FXYD1: variants seen among roughly 807,000 people sequenced by gnomAD.
FXYD1 encodes phospholemman.
Under a neutral mutation model 17.2 loss-of-function variants are expected in FXYD1, and 9 were observed. The ratio of observed to expected loss-of-function variants is 0.52; its 90% CI spans 0.32 to 0.91. The LOEUF (loss-of-function observed/expected upper bound fraction) is 0.91. Ranked by LOEUF, FXYD1 falls within the 40% of genes least tolerant of loss-of-function variation. The pLI, the probability that FXYD1 is intolerant of heterozygous loss-of-function variation, is 0.04. For missense variants in FXYD1, 113 were observed against 120.6 expected (o/e 0.94, Z 0.29); for synonymous variants, 55 against 45.8 (o/e 1.20, Z -0.81).
At chr19:35,139,247 C>T (rs1311457788) in intron 1 of FXYD1, 2 of 151,732 alleles carry the variant, frequency 1.3e-5, no homozygotes, top group African/African-American at 4.9e-5. Context: ...TTGTTCATGT[C>T]CATTCCGGCC....
chr19:35,140,162 C>T (rs777763926), intron 2 of FXYD1, 22 bp downstream of exon 2: 89 of 1,309,258 alleles, frequency 6.8e-5, no homozygotes, highest in South Asian at 2.4e-5. Context: ...GGAGGCTGCC[C>T]GCTACCCACC....
intron 3 of FXYD1, 104 bp downstream of exon 3, chr19:35,140,733 C>A: frequency 1.1e-6 from 1 of 884,572 alleles, no homozygotes; most frequent in South Asian, 1.4e-5. Context: ...ATATCTCTGT[C>A]ATTCTCCTTC....
chr19:35,140,760 CCTCT>C (rs2065244236), intron 3 of FXYD1, 131 bp downstream of exon 3: 6 of 726,306 alleles, frequency 8.3e-6, no homozygotes, highest in Admixed American at 2.2e-5. Flanking sequence ...TTTTGTCCTT[CCTCT>C]CTGATTCCAC....
chr19:35,142,827 A>G, intron 7 of FXYD1, 56 bp downstream of exon 7: 1 of 1,379,826 alleles, frequency 7.2e-7, no homozygotes. Flanking sequence ...GAAAGGCGGG[A>G]GAGGGAGGGG....
rs767899917 is a variant in FXYD1 at position 35,140,099 on chromosome 19, T to A, written c.20T>A (p.Ile7Asn). Residue 7 changes from isoleucine to asparagine, a missense_variant, in exon 2 of 8, where the codon ATC becomes AAC. Ile to Asn is a moderately radical substitution (Grantham distance 149). Transcript: ENST00000351325. MASLGH[I>N]LVFCVGLLTM... ...AGGACAATGGCGTCTCTTGGCCACA[T>A]CTTGGTTTTCTGTGTGGGTCTCCTC... The A allele has an allele frequency of 1.9e-6, 3 of 1,611,700 alleles. No individual in the cohort carries two copies. The South Asian group carries it at 3.3e-5, about 18-fold the overall frequency.
At chr19:35,139,780 A>C in intron 1 of FXYD1, 2 of 358,492 alleles carry the variant, frequency 5.6e-6, no homozygotes, top group East Asian at 5.8e-5. Context: ...AGGTCTGGGA[A>C]TCGGGGGCCT....
intron 4 of FXYD1, 110 bp downstream of exon 4, chr19:35,141,316 CGCTT>C: frequency 3.1e-6 from 2 of 636,772 alleles, no homozygotes; most frequent in South Asian, 1.9e-5. Flanking sequence ...TCCCTGGCCC[CGCTT>C]CTCCCTGGTC....
At chr19:35,142,655 C>A in intron 6 of FXYD1, 65 bp from the exon 7 acceptor site, 1 of 1,573,644 alleles carries the variant, frequency 6.4e-7, no homozygotes, top group Non-Finnish European at 8.7e-7. Context: ...CCGCCGCGGG[C>A]CCCACCTGCC....
intron 5 of FXYD1, 110 bp downstream of exon 5, chr19:35,141,682 A>G (rs2065258298): frequency 1.2e-6 from 1 of 856,882 alleles, no homozygotes; most frequent in Non-Finnish European, 1.9e-6. Context: ...GCGACTATGT[A>G]TTAAGCACCT....
At chr19:35,141,399 C>T (rs947980238) in intron 4 of FXYD1, 137 bp from the exon 5 acceptor site, 2 of 664,930 alleles carry the variant, frequency 3.0e-6, no homozygotes, top group South Asian at 3.0e-5. Flanking sequence ...TGCCTTGGTT[C>T]CCCGGCCCCC....
chr19:35,142,738 G>A lies in FXYD1; in HGVS notation c.275G>A (p.Arg92Gln). The change falls in exon 7 of 8, where the codon CGG (arginine) becomes CAG (glutamine). Residue 92 changes from arginine (R) to glutamine (Q), a missense_variant. Coordinates refer to ENST00000351325, the MANE Select transcript of FXYD1 (RefSeq NM_021902.4). ...CCCCCAGGTCTGTCCACCCGCAGGC[G>A]GTAGAAACACCTGGAGCGATGGAAT... ...SSIRRLSTRR[R>Q] The A allele has an allele frequency of 6.2e-7, 1 of 1,613,590 alleles. No individual in the cohort carries two copies. Among genetic ancestry groups the A allele is most frequent in the Non-Finnish European group, 8.5e-7 (1 of 1,179,780 alleles).
intron 3 of FXYD1, 87 bp downstream of exon 3, chr19:35,140,716 A>G (rs1194970046): frequency 1.9e-6 from 2 of 1,053,490 alleles, no homozygotes; most frequent in Non-Finnish European, 2.9e-6. Context: ...CCAGAGTCCC[A>G]GTATTGATAT....
intron 4 of FXYD1, 95 bp from the exon 5 acceptor site, chr19:35,141,441 A>C: frequency 9.8e-7 from 1 of 1,021,084 alleles, no homozygotes; most frequent in Non-Finnish European, 1.5e-6. Context: ...CCGTCCCCCA[A>C]GCCCCGCCCC....
In FXYD1 at chr19:35,142,478, G is replaced by C. The variant is rs774406399; in HGVS notation, c.213G>C (p.Gly71=). The change falls in exon 6 of 8, where the codon GGG becomes GGC. Residue 71 remains glycine (G), a synonymous_variant. Coordinates refer to ENST00000351325, the MANE Select transcript of FXYD1 (RefSeq NM_021902.4). The part of the protein sequence containing the change: ...RCKFNQQQRT[G]EPDEEEGTFR... Reference sequence around the variant, plus strand: ...TCTGCCTCTGTCTTCCCAGGACTGGGGAACCCGATGAAGAGGAGGGAACTT... The same window carrying C: ...TCTGCCTCTGTCTTCCCAGGACTGGCGAACCCGATGAAGAGGAGGGAACTT... 3 of 1,612,450 alleles carry C rather than the reference G, an allele frequency of 1.9e-6. No individual in the cohort carries two copies. In the Admixed American group the frequency reaches 5.0e-5, roughly 27 times the overall value.
At chr19:35,140,506 C>A in intron 2 of FXYD1, 91 bp from the exon 3 acceptor site, 1 of 1,184,300 alleles carries the variant, frequency 8.4e-7, no homozygotes, top group Non-Finnish European at 1.3e-6. Context: ...GACTCTAAGC[C>A]CAGCAAGGCA....
chr19:35,142,768 C>A lies in FXYD1; in HGVS notation c.*26C>A, dbSNP rs1304034695. On this transcript the variant is annotated 3_prime_UTR_variant, in exon 7 of 8. Transcript: ENST00000351325. ...AAACACCTGGAGCGATGGAATCCGG[C>A]CAGGTGCTGCAGCTCTGACACGGCG... 4 of 1,609,802 alleles carry A rather than the reference C, an allele frequency of 2.5e-6. No individual in the cohort carries two copies. Among genetic ancestry groups the A allele is most frequent in the Non-Finnish European group, 2.5e-6 (3 of 1,176,696 alleles).
chr19:35,140,189 C>T (rs200476762), intron 2 of FXYD1, 49 bp downstream of exon 2: 104 of 1,092,674 alleles, frequency 9.5e-5, no homozygotes, highest in Middle Eastern at 2.2e-4. Flanking sequence ...CCAGGGGTGG[C>T]GGTGGGGACC....
At chr19:35,140,910 C>T in intron 3 of FXYD1, 5 of 590,034 alleles carry the variant, frequency 8.5e-6, no homozygotes, top group Non-Finnish European at 1.5e-5. Context: ...TCTCTCCCCC[C>T]TGTCCTCCTC....
chr19:35,139,668 G>A (rs2065232179), intron 1 of FXYD1: 1 of 181,984 alleles, frequency 5.5e-6, no homozygotes, highest in Non-Finnish European at 1.2e-5. Flanking sequence ...ATTTCGCGGG[G>A]CACAGTGAGG....
Sources: gnomAD v4.1 joint callset for allele counts on GRCh38, gnomAD v4.1.1 for gene constraint, MANE v1.5 for transcripts, NCBI Gene and HGNC (gene_info 2026-07-23, HGNC 2026-07-21) for gene names.